Variants in KCNB2 observed in about 807,000 individuals in gnomAD.
The protein encoded by KCNB2 is potassium voltage-gated channel subfamily B member 2, also known as delayed rectifier potassium channel protein.
In KCNB2, 15 loss-of-function variants were observed where a neutral mutation model predicts 61.5. That is an observed-to-expected ratio of 0.24 (90% CI 0.16 to 0.38). KCNB2 has a LOEUF of 0.38. Ranked by LOEUF, KCNB2 falls within the 10% of genes least tolerant of loss-of-function variation. The pLI is 1.00. For missense variants in KCNB2, 828 were observed against 1,125.2 expected (o/e 0.74, Z 3.78); for synonymous variants, 457 against 446.0 (o/e 1.02, Z -0.31).
At chr8:72,712,924 T>A (rs1383203728) in intron 2 of KCNB2, among the ~76,000 whole-genome samples, 1 of 152,058 alleles carries the variant, frequency 6.6e-6, no homozygotes, top group Non-Finnish European at 1.5e-5. Context: ...AAGAAAGGGG[T>A]GACAGACGGC....
chr8:72,612,470 T>C (rs1805556462), intron 2 of KCNB2, among the ~76,000 whole-genome samples: 1 of 152,256 alleles, frequency 6.6e-6, no homozygotes, highest in African/African-American at 2.4e-5. Flanking sequence ...TTGTCATTCA[T>C]ACTGATGACA....
At chr8:72,745,934 G>T (rs1200267476) in intron 2 of KCNB2, among the ~76,000 whole-genome samples, 2 of 152,090 alleles carry the variant, frequency 1.3e-5, no homozygotes, top group African/African-American at 2.4e-5. Context: ...AATTTCAAGG[G>T]TTTAGAGGCT....
At chr8:72,730,994 C>T (rs1158810614) in intron 2 of KCNB2, among the ~76,000 whole-genome samples, 8 of 152,156 alleles carry the variant, frequency 5.3e-5, no homozygotes, top group Admixed American at 5.2e-4. Flanking sequence ...ACCGTTCTTC[C>T]TATTCCTTCC....
At chr8:72,582,288 T>A (rs911984892) in intron 2 of KCNB2, among the ~76,000 whole-genome samples, 6 of 152,226 alleles carry the variant, frequency 3.9e-5, no homozygotes, top group African/African-American at 1.4e-4. Flanking sequence ...GAAGGCATCC[T>A]GTTCAGGGCT....
At chr8:72,716,928 C>CA (rs1185387158) in intron 2 of KCNB2, among the ~76,000 whole-genome samples, 2 of 151,828 alleles carry the variant, frequency 1.3e-5, no homozygotes, top group African/African-American at 4.8e-5. Flanking sequence ...TGTCTCAGCC[C>CA]AAAATCTCCT....
intron 2 of KCNB2, among the ~76,000 whole-genome samples, chr8:72,581,976 G>A (rs1806905859): frequency 6.6e-6 from 1 of 152,140 alleles, no homozygotes. Context: ...ACCACTGATG[G>A]CAGATGGATA....
intron 1 of KCNB2, among the ~76,000 whole-genome samples, chr8:72,558,068 G>A (rs527470333): frequency 1.3e-5 from 2 of 152,314 alleles, no homozygotes; most frequent in African/African-American, 4.8e-5. Context: ...TCCACAACAT[G>A]TGTTAAGCAT....
intron 2 of KCNB2, among the ~76,000 whole-genome samples, chr8:72,729,799 C>T (rs2128993408): frequency 6.6e-6 from 1 of 152,012 alleles, no homozygotes; most frequent in Middle Eastern, 3.4e-3. Context: ...AGGAGAATCG[C>T]TTGAACCCGG....
intron 2 of KCNB2, among the ~76,000 whole-genome samples, chr8:72,690,846 C>G (rs2128990032): frequency 6.6e-6 from 1 of 152,298 alleles, no homozygotes; most frequent in African/African-American, 2.4e-5. Context: ...CATAAATTCT[C>G]TCACATTTTA....
chr8:72,846,472 G>A (rs1585928152), intron 2 of KCNB2, among the ~76,000 whole-genome samples: 1 of 152,044 alleles, frequency 6.6e-6, no homozygotes, highest in Non-Finnish European at 1.5e-5. Context: ...GAGTGAACAG[G>A]CAACCTATAG....
chr8:72,904,646 TG>T (rs1318292028), intron 2 of KCNB2, among the ~76,000 whole-genome samples: 2 of 152,306 alleles, frequency 1.3e-5, no homozygotes, highest in East Asian at 3.9e-4. Context: ...GGTGTTTAAA[TG>T]TTTTTTTATT....
chr8:72,753,979 CCTGCAGTTCAGGT>C (rs1447257226), intron 2 of KCNB2, among the ~76,000 whole-genome samples: 1 of 152,098 alleles, frequency 6.6e-6, no homozygotes, highest in African/African-American at 2.4e-5. Flanking sequence ...AGGGGAGGCG[CCTGCAGTTCAGGT>C]ACTGCCCATG....
intron 2 of KCNB2, among the ~76,000 whole-genome samples, chr8:72,747,200 T>G (rs1808089772): frequency 6.6e-6 from 1 of 152,120 alleles, no homozygotes; most frequent in Non-Finnish European, 1.5e-5. Flanking sequence ...GAAGCCACTG[T>G]TGTGGTTTCT....
intron 1 of KCNB2, among the ~76,000 whole-genome samples, chr8:72,553,617 G>A (rs1246658796): frequency 1.3e-5 from 2 of 151,970 alleles, no homozygotes; most frequent in Non-Finnish European, 2.9e-5. Context: ...TAAATCTAAG[G>A]AGAGCATTTT....
At chr8:72,639,969 G>T (rs532950400) in intron 2 of KCNB2, among the ~76,000 whole-genome samples, 60 of 151,920 alleles carry the variant, frequency 3.9e-4, no homozygotes, top group African/African-American at 1.4e-3. Context: ...GAGAAGGGGG[G>T]ACTGGGTGCG....
Position 72,793,103 on chromosome 8 carries a change from T to C in KCNB2, c.580-142832T>C, listed in dbSNP as rs548806565. On this transcript the variant is annotated intron_variant, in intron 2 of 2. Transcript: ENST00000523207. ...TCCAGTACAGCATCAATTTCAAATATCCTTTCGTATTCTGATGATTACACG... is the reference window on the plus strand; with the variant it reads ...TCCAGTACAGCATCAATTTCAAATACCCTTTCGTATTCTGATGATTACACG... Among the ~76,000 whole-genome samples, 30 of 152,334 alleles carry C rather than the reference T, an allele frequency of 2.0e-4. No individual in the cohort carries two copies. The South Asian group carries it at 6.2e-3, about 32-fold the overall frequency.
chr8:72,841,070 T>C (rs1809875518), intron 2 of KCNB2, among the ~76,000 whole-genome samples: 1 of 152,198 alleles, frequency 6.6e-6, no homozygotes, highest in Non-Finnish European at 1.5e-5. Context: ...CATCTTGAGT[T>C]AATTTTTGTA....
chr8:72,909,202 G>A (rs971960765), intron 2 of KCNB2, among the ~76,000 whole-genome samples: 1 of 152,202 alleles, frequency 6.6e-6, no homozygotes, highest in South Asian at 2.1e-4. Flanking sequence ...ACAGAGAGCT[G>A]TGGGCTCACA....
intron 2 of KCNB2, among the ~76,000 whole-genome samples, chr8:72,745,483 C>T (rs902091513): frequency 6.6e-6 from 1 of 152,100 alleles, no homozygotes; most frequent in Non-Finnish European, 1.5e-5. Flanking sequence ...ATTGGAAGCA[C>T]TGTGTTTGTG....
Sources: gnomAD v4.1 joint callset for allele counts (sites outside exome capture counted in the v4.1 genomes callset) on GRCh38, gnomAD v4.1.1 for gene constraint, MANE v1.5 for transcripts, NCBI Gene and HGNC (gene_info 2026-07-23, HGNC 2026-07-21) for gene names.